The following PRKD3 variants were observed in gnomAD, a reference collection of about 807,000 sequenced individuals.
The protein encoded by PRKD3 is serine/threonine-protein kinase D3.
In PRKD3, 47 loss-of-function variants were observed where a neutral mutation model predicts 99.2. The ratio of observed to expected loss-of-function variants is 0.47; its 90% CI spans 0.38 to 0.60. The LOEUF (loss-of-function observed/expected upper bound fraction) is 0.60. Ranked by LOEUF, PRKD3 falls within the 20% of genes least tolerant of loss-of-function variation. PRKD3 has a pLI of 0.00. For synonymous variants in PRKD3, 392 were observed against 355.4 expected, an observed-to-expected ratio of 1.10 and a Z score of -1.16; for missense variants, 1,019 against 1,088.4, an observed-to-expected ratio of 0.94 and a Z score of 0.90.
chr2:37,285,476 T>C lies in PRKD3; in HGVS notation c.910+701A>G, dbSNP rs559593138. Among the ~76,000 whole-genome samples the C allele has an allele frequency of 1.4e-3, 212 of 152,318 alleles. 1 individual carries two copies. The highest frequency in any genetic ancestry group is 2.5e-3 in the Non-Finnish European group (173 of 68,010). On this transcript the variant is annotated intron_variant, in intron 6 of 18. Transcript: ENST00000234179. ...TTACGTCCTACCTATTTCAGGGTGA[T>C]TATTCTCGGGAATGACAGTTTTTGT...
intron 14 of PRKD3, among the ~76,000 whole-genome samples, chr2:37,262,308 G>A (rs1049283770): frequency 1.1e-4 from 16 of 152,104 alleles, no homozygotes; most frequent in African/African-American, 3.9e-4. Context: ...AGTTTCCACT[G>A]TATTGTAATA....
At chr2:37,294,485 G>T (rs1315060232) in intron 2 of PRKD3, among the ~76,000 whole-genome samples, 1 of 152,008 alleles carries the variant, frequency 6.6e-6, no homozygotes, top group Non-Finnish European at 1.5e-5. Context: ...TGTAACCAGG[G>T]TAAATAATGG....
At chr2:37,300,954 T>G (rs1670898126) in intron 2 of PRKD3, among the ~76,000 whole-genome samples, 2 of 152,234 alleles carry the variant, frequency 1.3e-5, no homozygotes, top group South Asian at 4.1e-4. Context: ...CACGTTTTTA[T>G]AGTGTATTAT....
chr2:37,293,898 CA>C, intron 2 of PRKD3, among the ~76,000 whole-genome samples: 1 of 152,246 alleles, frequency 6.6e-6, no homozygotes, highest in South Asian at 2.1e-4. Context: ...ATAACATGAA[CA>C]ATTTGCTCAC....
chr2:37,318,340 C>A (rs1394105375), intron 1 of PRKD3, among the ~76,000 whole-genome samples: 1 of 152,190 alleles, frequency 6.6e-6, no homozygotes, highest in Non-Finnish European at 1.5e-5. Context: ...GTTTCACATA[C>A]TTTACCTCAT....
chr2:37,260,689 A>C (rs187813317), intron 14 of PRKD3, among the ~76,000 whole-genome samples: 1 of 152,076 alleles, frequency 6.6e-6, no homozygotes, highest in Non-Finnish European at 1.5e-5. Flanking sequence ...CTCTAATTTC[A>C]TGCTTTCCCT....
At chr2:37,264,141 C>T (rs559385169) in intron 14 of PRKD3, among the ~76,000 whole-genome samples, 3 of 152,220 alleles carry the variant, frequency 2.0e-5, no homozygotes, top group African/African-American at 7.2e-5. Context: ...CAACATCCTC[C>T]CTAGATGTGG....
At chr2:37,277,391 C>T (rs1669629849) in intron 9 of PRKD3, among the ~76,000 whole-genome samples, 1 of 152,168 alleles carries the variant, frequency 6.6e-6, no homozygotes, top group African/African-American at 2.4e-5. Flanking sequence ...AGTTATTACA[C>T]TACGCTGATT....
At chr2:37,257,671 GAAAAA>G (rs1164110574) in intron 16 of PRKD3, among the ~76,000 whole-genome samples, 256 of 28,562 alleles carry the variant, frequency 9.0e-3, no homozygotes, top group African/African-American at 0.038. Context: ...TGTCTCAAAA[GAAAAA>G]AAAAAAAAAA....
intron 2 of PRKD3, among the ~76,000 whole-genome samples, chr2:37,310,482 CA>C (rs1366081130): frequency 6.6e-6 from 1 of 152,108 alleles, no homozygotes; most frequent in Non-Finnish European, 1.5e-5. Flanking sequence ...AGTTTAACCC[CA>C]AAACTAATGG....
At chr2:37,257,817 C>T (rs1457671148) in intron 16 of PRKD3, among the ~76,000 whole-genome samples, 1 of 151,882 alleles carries the variant, frequency 6.6e-6, no homozygotes, top group Admixed American at 6.6e-5. Flanking sequence ...ATGGGGACAC[C>T]AGTGGAATAA....
At chr2:37,287,128 G>A (rs1391231913) in intron 5 of PRKD3, among the ~76,000 whole-genome samples, 1 of 150,768 alleles carries the variant, frequency 6.6e-6, no homozygotes, top group Non-Finnish European at 1.5e-5. Context: ...TACTCGGGAG[G>A]CTGACGCAGA....
intron 11 of PRKD3, 29 bp from the exon 12 acceptor site, chr2:37,272,461 G>A: frequency 3.2e-6 from 5 of 1,583,252 alleles, no homozygotes; most frequent in Non-Finnish European, 4.3e-6. Context: ...ACAAAATTTA[G>A]TATATGACAA....
At chr2:37,321,051 A>G (rs141341637) in intron 1 of PRKD3, among the ~76,000 whole-genome samples, 1,977 of 152,282 alleles carry the variant, frequency 0.013, 18 homozygotes, top group Middle Eastern at 0.027. Context: ...ATTAAACCTA[A>G]TAACTGTAAC....
Position 37,259,689 on chromosome 2 carries a change from G to A in PRKD3, c.2047-8C>T, listed in dbSNP as rs1017570627. 52 of 1,586,170 alleles carry A rather than the reference G, an allele frequency of 3.3e-5. No homozygotes were observed. Among genetic ancestry groups the A allele is most frequent in the Non-Finnish European group, 4.5e-5 (52 of 1,158,708 alleles). On this transcript the variant is annotated splice_polypyrimidine_tract_variant and splice_region_variant and intron_variant, in intron 15 of 18. Transcript: ENST00000234179. ...CCTCAAAGCAACAAGTATCTGTTAT[G>A]AAAAAAGATTTTCTTTTCAATGTCT... is the stretch of plus-strand genomic sequence containing the variant.
chr2:37,275,677 A>G (rs1669533676), intron 10 of PRKD3, 90 bp downstream of exon 10: 2 of 1,357,532 alleles, frequency 1.5e-6, no homozygotes, highest in Non-Finnish European at 9.8e-7. Flanking sequence ...CTAGAGTCAT[A>G]TATATTCAAA....
chr2:37,275,727 T>C, intron 10 of PRKD3, 40 bp downstream of exon 10: 1 of 1,538,800 alleles, frequency 6.5e-7, no homozygotes, highest in Non-Finnish European at 8.8e-7. Context: ...AAACATACAC[T>C]ATCTTAATGC....
chr2:37,291,780 C>T (rs1670440756), intron 3 of PRKD3, among the ~76,000 whole-genome samples: 1 of 152,150 alleles, frequency 6.6e-6, no homozygotes, highest in South Asian at 2.1e-4. Context: ...AGAAAAGGCT[C>T]AAAGGTGAAT....
In PRKD3 at chr2:37,260,260, C is replaced by T. The variant is rs200951892; in HGVS notation, c.2009G>A (p.Arg670Gln). The part of the protein sequence containing the change: ...LEMILSSEKS[R>Q]LPERITKFMV... ...GAATTTAGTAATTCGTTCTGGAAGC[C>T]GACTTTTCTCACTGGATAGAATCAT... Residue 670 changes from arginine to glutamine, a missense_variant, in exon 15 of 19, where the codon CGG (arginine) becomes CAG (glutamine). Physicochemically the swap from Arg to Gln is conservative, Grantham distance 43. Transcript: ENST00000234179. 4.3e-5 allele frequency: 69 copies of T among 1,611,774 alleles called. No homozygotes were observed. The highest frequency in any genetic ancestry group is 2.5e-4 in the African/African-American group (19 of 74,896).
Sources: allele counts gnomAD v4.1 joint callset (sites outside exome capture counted in the v4.1 genomes callset), GRCh38; gene constraint gnomAD v4.1.1; transcripts MANE v1.5; gene names NCBI Gene and HGNC (gene_info 2026-07-23, HGNC 2026-07-21).